The following FARS2 variants were observed in gnomAD, a reference collection of about 807,000 sequenced individuals.
FARS2 encodes the protein phenylalanyl-tRNA synthetase 2, mitochondrial.
In FARS2, 40 loss-of-function variants were observed where a neutral mutation model predicts 46.4. The observed-to-expected ratio is 0.86, with a 90% CI of 0.67 to 1.12. The LOEUF is 1.12. Among genes scored for constraint, FARS2 ranks in the 50% most tolerant of loss-of-function variants. FARS2 has a pLI of 0.00. For missense variants in FARS2, 513 were observed against 567.9 expected (o/e 0.90, Z 0.98); for synonymous variants, 234 against 214.9 (o/e 1.09, Z -0.78).
chr6:5,685,769 C>T (rs188410450), intron 6 of FARS2, among the ~76,000 whole-genome samples: 6 of 152,258 alleles, frequency 3.9e-5, no homozygotes, highest in East Asian at 1.9e-4. Flanking sequence ...GAGCTGAGGC[C>T]GCACTCAAGG....
intron 4 of FARS2, among the ~76,000 whole-genome samples, chr6:5,436,178 A>G (rs896478466): frequency 2.0e-5 from 3 of 152,236 alleles, no homozygotes; most frequent in African/African-American, 7.2e-5. Flanking sequence ...TTCCCTGGTT[A>G]CAATCAGGAT....
At chr6:5,663,192 T>C (rs1294744921) in intron 6 of FARS2, among the ~76,000 whole-genome samples, 1 of 152,178 alleles carries the variant, frequency 6.6e-6, no homozygotes, top group Non-Finnish European at 1.5e-5. Flanking sequence ...TTCCCAGATA[T>C]ATAATAATCA....
chr6:5,450,174 C>T (rs991127832), intron 4 of FARS2, among the ~76,000 whole-genome samples: 2 of 152,166 alleles, frequency 1.3e-5, no homozygotes, highest in African/African-American at 4.8e-5. Context: ...AGCTCACAGT[C>T]AGGTGGGAAA....
intron 4 of FARS2, among the ~76,000 whole-genome samples, chr6:5,518,591 T>A (rs1768951433): frequency 6.6e-6 from 1 of 152,050 alleles, no homozygotes. Context: ...CAGAGGAAAA[T>A]ATATGAATAT....
intron 1 of FARS2, among the ~76,000 whole-genome samples, chr6:5,366,012 A>G (rs1007721265): frequency 4.9e-4 from 74 of 152,144 alleles, no homozygotes; most frequent in Admixed American, 9.2e-4. Flanking sequence ...TAGAAGAGAT[A>G]GGGGAGGCGG....
intron 2 of FARS2, among the ~76,000 whole-genome samples, chr6:5,395,184 G>T (rs527961808): frequency 2.8e-4 from 42 of 152,138 alleles, no homozygotes; most frequent in Non-Finnish European, 5.6e-4. Flanking sequence ...CTGAGTAGCT[G>T]GGATTACAGG....
At chr6:5,651,506 T>C (rs1340418468) in intron 6 of FARS2, among the ~76,000 whole-genome samples, 1 of 152,058 alleles carries the variant, frequency 6.6e-6, no homozygotes, top group Non-Finnish European at 1.5e-5. Context: ...TAAGACAAGA[T>C]CCACGAAGTA....
At chr6:5,720,281 T>C (rs1759804227) in intron 6 of FARS2, among the ~76,000 whole-genome samples, 1 of 152,220 alleles carries the variant, frequency 6.6e-6, no homozygotes, top group African/African-American at 2.4e-5. Flanking sequence ...TTCTGGGGCT[T>C]ACAGACTCTT....
At chr6:5,415,418 A>G (rs1261425904) in intron 3 of FARS2, among the ~76,000 whole-genome samples, 2 of 141,756 alleles carry the variant, frequency 1.4e-5, no homozygotes, top group African/African-American at 2.7e-5. Flanking sequence ...GGGTTCAAGC[A>G]GTTCTCTCCC....
chr6:5,703,397 G>A (rs1343135738), intron 6 of FARS2, among the ~76,000 whole-genome samples: 2 of 152,178 alleles, frequency 1.3e-5, no homozygotes, highest in Non-Finnish European at 2.9e-5. Flanking sequence ...AGTGGTCTCT[G>A]TGGGCTAACT....
At chr6:5,752,054 G>A (rs1300073323) in intron 6 of FARS2, among the ~76,000 whole-genome samples, 6 of 152,038 alleles carry the variant, frequency 3.9e-5, no homozygotes, top group Non-Finnish European at 7.4e-5. Context: ...CTGTTGTGCC[G>A]TGCAAAGATC....
chr6:5,557,541 G>A (rs76519142), intron 5 of FARS2, among the ~76,000 whole-genome samples: 3 of 152,040 alleles, frequency 2.0e-5, no homozygotes, highest in Non-Finnish European at 4.4e-5. Context: ...TACTGAGCTC[G>A]TGTCAATAAA....
At chr6:5,381,248 C>T (rs1420369746) in intron 2 of FARS2, among the ~76,000 whole-genome samples, 1 of 151,932 alleles carries the variant, frequency 6.6e-6, no homozygotes, top group East Asian at 1.9e-4. Context: ...CCGCCCGCCT[C>T]GGCCTCCCTA....
intron 6 of FARS2, among the ~76,000 whole-genome samples, chr6:5,624,979 G>A (rs1042302859): frequency 6.6e-6 from 1 of 152,080 alleles, no homozygotes; most frequent in South Asian, 2.1e-4. Flanking sequence ...CCTCATCCCC[G>A]CCTAACTCAC....
intron 4 of FARS2, among the ~76,000 whole-genome samples, chr6:5,496,485 C>T (rs1168345028): frequency 6.6e-6 from 1 of 152,184 alleles, no homozygotes; most frequent in African/African-American, 2.4e-5. Context: ...GGTGCCATAA[C>T]AAATACTGCA....
Position 5,584,310 on chromosome 6 carries a change from G to A in FARS2, c.1066-28859G>A, listed in dbSNP as rs17354718. Among the ~76,000 whole-genome samples, 1,238 of 152,168 alleles carry A rather than the reference G, an allele frequency of 8.1e-3. 9 individuals carry two copies. Among genetic ancestry groups the A allele is most frequent in the South Asian group, 0.016 (75 of 4,822 alleles). On this transcript the variant is annotated intron_variant, in intron 5 of 6. Transcript: ENST00000274680. ...GTGTATGATTAAAAACAGCAGAATT[G>A]CTAGATTCCCTTAAAGAATTGGGTA...
intron 5 of FARS2, among the ~76,000 whole-genome samples, chr6:5,607,641 A>G (rs893844642): frequency 2.0e-5 from 3 of 152,122 alleles, no homozygotes; most frequent in Non-Finnish European, 4.4e-5. Context: ...TTTAGTCTCC[A>G]CAGAATTGCC....
At chr6:5,759,956 C>T (rs768388738) in intron 6 of FARS2, among the ~76,000 whole-genome samples, 48 of 152,230 alleles carry the variant, frequency 3.2e-4, no homozygotes, top group Non-Finnish European at 5.6e-4. Context: ...TGCTATATTC[C>T]AGCCTAGAAT....
chr6:5,515,802 AC>A (rs1768749093), intron 4 of FARS2, among the ~76,000 whole-genome samples: 1 of 152,234 alleles, frequency 6.6e-6, no homozygotes, highest in Non-Finnish European at 1.5e-5. Context: ...TATACCTGAT[AC>A]GTCTTAAATT....
Sources: gnomAD v4.1 joint callset for allele counts (sites outside exome capture counted in the v4.1 genomes callset) on GRCh38, gnomAD v4.1.1 for gene constraint, MANE v1.5 for transcripts, NCBI Gene and HGNC (gene_info 2026-07-23, HGNC 2026-07-21) for gene names.